The following GPM6B variants were observed in gnomAD, a reference collection of about 807,000 sequenced individuals.
GPM6B encodes neuronal membrane glycoprotein M6-b.
GPM6B carries 4 observed loss-of-function variants against 27.2 expected under a neutral mutation model. The observed-to-expected ratio is 0.15, with a 90% CI of 0.07 to 0.34. The LOEUF (loss-of-function observed/expected upper bound fraction) is 0.34, where lower values mean the gene tolerates loss of function less well. GPM6B is among the 10% of genes least tolerant of loss of function. GPM6B has a pLI of 1.00. For synonymous variants in GPM6B, 124 were observed against 103.1 expected (o/e 1.20, Z -1.23); for missense variants, 183 against 261.9 (o/e 0.70, Z 2.08).
At chrX:13,865,567 GAAAGAAAGA>G (rs2049904858) in intron 1 of GPM6B, among the ~76,000 whole-genome samples, 2 of 47,512 alleles carry the variant, frequency 4.2e-5, no homozygotes, top group Admixed American at 2.4e-4. Context: ...AAAAAAGAAA[GAAAGAAAGA>G]AAAGAAAAGA....
At chrX:13,821,416 A>G (rs1183723648), upstream of GPM6B, among the ~76,000 whole-genome samples, 5 of 111,975 alleles carry the variant, frequency 4.5e-5, no homozygotes, top group African/African-American at 1.6e-4. Flanking sequence ...TCTGGGATTC[A>G]AATCATTGAT....
intron 1 of GPM6B, among the ~76,000 whole-genome samples, chrX:13,936,761 G>A (rs1359907982): frequency 3.6e-5 from 4 of 112,062 alleles, no homozygotes; most frequent in Non-Finnish European, 5.6e-5. Context: ...TTAAGAACAG[G>A]TCTCTGGCTC....
At chrX:13,849,603 C>T (rs2049690559) in intron 1 of GPM6B, among the ~76,000 whole-genome samples, 1 of 112,333 alleles carries the variant, frequency 8.9e-6, no homozygotes, top group Non-Finnish European at 1.9e-5. Flanking sequence ...TAGCAATTAC[C>T]TTCACATAGG....
At chrX:13,905,857 T>C (rs2050326012) in intron 1 of GPM6B, among the ~76,000 whole-genome samples, 1 of 106,675 alleles carries the variant, frequency 9.4e-6, no homozygotes, top group African/African-American at 3.4e-5. Flanking sequence ...GCCAGTTATA[T>C]CCTCCATTCG....
At chrX:13,835,870 T>G (rs976145444) in intron 1 of GPM6B, among the ~76,000 whole-genome samples, 19 of 112,222 alleles carry the variant, frequency 1.7e-4, no homozygotes, top group African/African-American at 6.1e-4. Context: ...TTCATTCAAC[T>G]TTTACATTTT....
At chrX:13,887,425 C>T (rs902530654) in intron 1 of GPM6B, among the ~76,000 whole-genome samples, 1 of 111,869 alleles carries the variant, frequency 8.9e-6, no homozygotes. Flanking sequence ...GAGGCAACAG[C>T]GTCCACAGGA....
upstream of GPM6B, among the ~76,000 whole-genome samples, chrX:13,821,519 T>G (rs1181100069): frequency 8.9e-6 from 1 of 112,929 alleles, no homozygotes; most frequent in East Asian, 2.8e-4. Flanking sequence ...CATTCTTTCA[T>G]TTCTTTGTTC....
chrX:13,834,926 G>A (rs1268096439), intron 1 of GPM6B, among the ~76,000 whole-genome samples: 1 of 112,521 alleles, frequency 8.9e-6, no homozygotes, highest in African/African-American at 3.2e-5. Context: ...CCAGCCATGT[G>A]CCAAGGATTG....
chrX:13,824,902 G>A, intron 1 of GPM6B, among the ~76,000 whole-genome samples: 1 of 111,982 alleles, frequency 8.9e-6, no homozygotes, highest in East Asian at 2.8e-4. Flanking sequence ...TGTGGGCGGG[G>A]CCGTGTTTTC....
At chrX:13,805,966 T>C (rs1034505996) in intron 2 of GPM6B, among the ~76,000 whole-genome samples, 56 of 110,943 alleles carry the variant, frequency 5.0e-4, no homozygotes, top group African/African-American at 1.7e-3. Flanking sequence ...CCTTGAATTA[T>C]GCACATCTCA....
chrX:13,817,259 G>A (rs1298290044), upstream of GPM6B: 3 of 815,870 alleles, frequency 3.7e-6, no homozygotes, highest in Non-Finnish European at 4.4e-6. Flanking sequence ...GCTCCCCACC[G>A]GGCTCTTCCT....
At position 13,780,007 on chromosome X, in the gene GPM6B, G is replaced by A; in HGVS notation, c.526-18C>T. 1 of 1,160,447 alleles carries A rather than the reference G, an allele frequency of 8.6e-7. No individual in the cohort carries two copies. Among genetic ancestry groups the A allele is most frequent in the South Asian group, 2.0e-5 (1 of 50,132 alleles). Reference sequence around the variant, plus strand: ...AAAACGAACTAGGCCAAAACAAGAGGAAGGACAATCATCACTGAAACAGGT... The same window carrying A: ...AAAACGAACTAGGCCAAAACAAGAGAAAGGACAATCATCACTGAAACAGGT... On this transcript the variant is annotated intron_variant, in intron 4 of 7. Coordinates refer to ENST00000316715, the MANE Select transcript of GPM6B (RefSeq NM_001001995.3).
At chrX:13,777,275 C>G in intron 6 of GPM6B, 77 bp downstream of exon 6, 5 of 706,621 alleles carry the variant, frequency 7.1e-6, no homozygotes, top group Non-Finnish European at 1.1e-5. Flanking sequence ...CCATCTCTCT[C>G]GCTCTTTCTA....
At position 13,772,799 on chromosome X, in the gene GPM6B, G is replaced by T. The variant is rs1279981383; in HGVS notation, c.*82C>A. 2.2e-6 allele frequency: 2 copies of T among 919,473 alleles called. No homozygotes were observed. Among genetic ancestry groups the T allele is most frequent in the African/African-American group, 1.9e-5 (1 of 51,820 alleles). The allele number at this position is 919,473 out of a possible 1,213,427, so 75.8% of individuals were successfully genotyped here. On this transcript the variant is annotated 3_prime_UTR_variant, in exon 8 of 8. Transcript: ENST00000316715. ...TTGTACATCTACATTAGTTTGGTGG[G>T]ATACACATCTGTACTGCAGAGCAGC...
chrX:13,877,803 G>T (rs2050051489), intron 1 of GPM6B, among the ~76,000 whole-genome samples: 1 of 71,770 alleles, frequency 1.4e-5, no homozygotes, highest in African/African-American at 6.1e-5. Context: ...CCCCAGCCTG[G>T]GCATTAGAGC....
intron 1 of GPM6B, among the ~76,000 whole-genome samples, chrX:13,860,816 G>C (rs2049836608): frequency 4.6e-5 from 5 of 107,806 alleles, no homozygotes; most frequent in African/African-American, 1.7e-4. Flanking sequence ...CCAAATCCCA[G>C]TGTATCATTC....
chrX:13,839,285 C>G (rs893307031), intron 1 of GPM6B, among the ~76,000 whole-genome samples: 28 of 111,565 alleles, frequency 2.5e-4, no homozygotes, highest in African/African-American at 8.2e-4. Flanking sequence ...TCTGCCCCAC[C>G]AACTTCAAGA....
At chrX:13,923,496 C>T (rs991014269) in intron 1 of GPM6B, among the ~76,000 whole-genome samples, 3 of 112,529 alleles carry the variant, frequency 2.7e-5, no homozygotes, top group Non-Finnish European at 5.6e-5. Flanking sequence ...AACTGCTTTC[C>T]GGAATAAATC....
At chrX:13,793,378 A>G (rs901827511) in intron 2 of GPM6B, among the ~76,000 whole-genome samples, 1 of 111,535 alleles carries the variant, frequency 9.0e-6, no homozygotes, top group African/African-American at 3.3e-5. Flanking sequence ...CCTAAAAGGT[A>G]TAAAAGTAAG....
Sources: gnomAD v4.1 joint callset for allele counts (sites outside exome capture counted in the v4.1 genomes callset) on GRCh38, gnomAD v4.1.1 for gene constraint, MANE v1.5 for transcripts, NCBI Gene and HGNC (gene_info 2026-07-23, HGNC 2026-07-21) for gene names.